Variants in REC8 observed in about 807,000 individuals in gnomAD.
REC8 encodes the protein REC8 meiotic recombination protein.
A neutral mutation model predicts 78.3 loss-of-function variants in REC8; 42 were observed. That is an observed-to-expected ratio of 0.54 (90% CI 0.42 to 0.69). The LOEUF (loss-of-function observed/expected upper bound fraction) is 0.69. REC8 is among the 30% of genes least tolerant of loss of function. The pLI, the probability that REC8 is intolerant of heterozygous loss-of-function variation, is 0.00. For synonymous variants in REC8, 268 were observed against 274.1 expected (o/e 0.98, Z 0.22); for missense variants, 581 against 715.8 (o/e 0.81, Z 2.15).
chr14:24,177,929 C>T (rs1476626908), intron 11 of REC8, 162 bp from the exon 12 acceptor site: 2 of 1,497,112 alleles, frequency 1.3e-6, no homozygotes, highest in Non-Finnish European at 1.8e-6. Flanking sequence ...CAGATGGGTA[C>T]CCTTATGCAA....
chr14:24,177,439 C>A (rs1292886237), intron 9 of REC8, 26 bp from the exon 10 acceptor site: 1 of 1,614,026 alleles, frequency 6.2e-7, no homozygotes, highest in East Asian at 2.2e-5. Flanking sequence ...AGGGTCTCCT[C>A]ATTTCTCTTG....
Position 24,173,024 on chromosome 14 carries a change from A to G in REC8, c.251A>G (p.Gln84Arg). 1 of 1,608,774 alleles carries G rather than the reference A, an allele frequency of 6.2e-7. No homozygotes were observed. The highest frequency in any genetic ancestry group is 8.5e-7 in the Non-Finnish European group (1 of 1,179,952). The change falls in exon 3 of 19, where the codon CAA becomes CGA. Residue 84 changes from glutamine to arginine, a missense_variant. Transcript: ENST00000611366. ...QIGVIRVYSQ[Q>R]CQYLVEDIQH... ...GGTGTGATCCGCGTCTATTCTCAACAATGCCAGTACCTCGTGGGTAAGGCT... is the reference window on the plus strand; with the variant it reads ...GGTGTGATCCGCGTCTATTCTCAACGATGCCAGTACCTCGTGGGTAAGGCT...
In REC8 at chr14:24,178,694, C is replaced by T. The variant is rs200998331; in HGVS notation, c.1063+22C>T. ...CTCTGTAAGAATGGTGGGGGTTGGG[C>T]ACGAAGTATCCTCAAAACCAATTCC... On this transcript the variant is annotated intron_variant, in intron 13 of 18. Transcript: ENST00000611366. 13 of 1,613,860 alleles carry T rather than the reference C, an allele frequency of 8.1e-6. No individual in the cohort carries two copies. In the East Asian group the frequency reaches 1.3e-4, roughly 17 times the overall value.
chr14:24,173,503 C>G (rs2038758779), intron 5 of REC8, 92 bp downstream of exon 5: 2 of 1,566,662 alleles, frequency 1.3e-6, no homozygotes, highest in African/African-American at 2.7e-5. Flanking sequence ...GGGAAGGAAG[C>G]TTACCACAGC....
At chr14:24,180,690 T>A, downstream of REC8, 1 of 1,614,092 alleles carries the variant, frequency 6.2e-7, no homozygotes, top group Non-Finnish European at 8.5e-7. Context: ...TACCCTCACC[T>A]GGTGGGATCT....
chr14:24,174,722 G>C (rs972140606), intron 5 of REC8, among the ~76,000 whole-genome samples: 5 of 152,030 alleles, frequency 3.3e-5, no homozygotes, highest in Non-Finnish European at 7.3e-5. Flanking sequence ...GCCCATAATG[G>C]TCACCCCTCA....
rs748770409 is a variant in REC8, at chr14:24,179,070, T to C, written c.1204-15T>C. The C allele has an allele frequency of 2.5e-6, 4 of 1,607,896 alleles. No homozygotes were observed. The highest frequency in any genetic ancestry group is 3.4e-6 in the Non-Finnish European group (4 of 1,176,826). ...CAGATGCTTGGGGTCTTAGTTCTAC[T>C]TCTCCCATCCCCAGGTCCCGAGGGA... On this transcript the variant is annotated splice_polypyrimidine_tract_variant and intron_variant, in intron 14 of 18. Coordinates refer to ENST00000611366, the MANE Select transcript of REC8 (RefSeq NM_001048205.2).
chr14:24,177,276 G>A (rs2038940488), intron 8 of REC8, 54 bp downstream of exon 8: 2 of 1,612,880 alleles, frequency 1.2e-6, no homozygotes, highest in African/African-American at 1.3e-5. Context: ...TCAGACCCCT[G>A]GCGTGGGCAT....
At chr14:24,180,598 T>G, downstream of REC8, 2 of 1,612,166 alleles carry the variant, frequency 1.2e-6, no homozygotes, top group Non-Finnish European at 8.5e-7. Flanking sequence ...GGGAGAAAGG[T>G]CGGGGCTCCT....
At chr14:24,180,846 T>G, downstream of REC8, 25 of 1,051,258 alleles carry the variant, frequency 2.4e-5, no homozygotes, top group Non-Finnish European at 3.1e-5. Context: ...GCAGAATCTC[T>G]TATCAGGGGG....
chr14:24,173,071 G>A (rs757409570), intron 3 of REC8, 30 bp downstream of exon 3: 6 of 1,611,240 alleles, frequency 3.7e-6, no homozygotes, highest in African/African-American at 1.3e-5. Context: ...AAGGTGGGGC[G>A]GGCTGAGCAG....
chr14:24,177,967 C>A (rs2038975800), intron 11 of REC8, 124 bp from the exon 12 acceptor site: 2 of 1,516,142 alleles, frequency 1.3e-6, no homozygotes, highest in South Asian at 1.3e-5. Context: ...TGCATGGAGA[C>A]CCCGCACAAG....
chr14:24,180,602 G>A, downstream of REC8: 2 of 1,612,224 alleles, frequency 1.2e-6, no homozygotes, highest in Non-Finnish European at 1.7e-6. Context: ...GAAAGGTCGG[G>A]GCTCCTAAAG....
rs1566636585 is a variant in REC8 at position 24,178,780 on chromosome 14, G to A, written c.1067G>A (p.Gly356Asp). The change falls in exon 14 of 19, where the codon GGC becomes GAC. Residue 356 changes from glycine to aspartate, a missense_variant. Transcript: ENST00000611366. ...CCTACTACCCTCTTGTCCACAGCTGGCTGGCTACCCCCTGAACTACTGGGT... is the reference window on the plus strand; with the variant it reads ...CCTACTACCCTCTTGTCCACAGCTGACTGGCTACCCCCTGAACTACTGGGT... The part of the protein sequence containing the change: ...AELFRTPTLS[G>D]WLPPELLGLW... 6.2e-7 allele frequency: 1 copy of A among 1,607,648 alleles called. No homozygotes were observed. The highest frequency in any genetic ancestry group is 8.5e-7 in the Non-Finnish European group (1 of 1,175,222).
Position 24,179,588 on chromosome 14 carries a change from C to A in REC8, c.1320-7C>A, listed in dbSNP as rs1268122569. The A allele has an allele frequency of 6.2e-7, 1 of 1,614,054 alleles. No individual in the cohort carries two copies. The highest frequency in any genetic ancestry group is 1.3e-5 in the African/African-American group (1 of 74,948). On this transcript the variant is annotated splice_region_variant and splice_polypyrimidine_tract_variant and intron_variant, in intron 16 of 18. Transcript: ENST00000611366. ...GCCACCTTCCCTACTCTCTCATGTC[C>A]TCCTAGGGCCTGGCCTGAGGTGGAG...
chr14:24,177,919 C>T, intron 11 of REC8, 161 bp downstream of exon 11: 1 of 1,491,566 alleles, frequency 6.7e-7, no homozygotes, highest in Non-Finnish European at 8.9e-7. Flanking sequence ...CTACGCTTCC[C>T]AGATGGGTAC....
At position 24,179,896 on chromosome 14, in the gene REC8, C is replaced by T; in HGVS notation, c.1548C>T (p.Tyr516=). The T allele has an allele frequency of 6.2e-7, 1 of 1,614,004 alleles. No homozygotes were observed. Among genetic ancestry groups the T allele is most frequent in the South Asian group, 1.1e-5 (1 of 91,082 alleles). Residue 516 remains tyrosine, a synonymous_variant, in exon 18 of 19, where the codon TAC becomes TAT. Coordinates refer to ENST00000611366, the MANE Select transcript of REC8 (RefSeq NM_001048205.2). ...SPRRMAARVF[Y]LLLVLSAQQI... Reference sequence around the variant, plus strand: ...GCAGGATGGCTGCCCGGGTCTTCTACCTGCTCCTGGGTGAGTGTATGCATG... The same window carrying T: ...GCAGGATGGCTGCCCGGGTCTTCTATCTGCTCCTGGGTGAGTGTATGCATG...
Position 24,178,668 on chromosome 14 carries a change from T to C in REC8, c.1059T>C (p.Thr353=). Residue 353 remains threonine, a synonymous_variant, in exon 13 of 19, where the codon ACT becomes ACC. Transcript: ENST00000611366. ...CTGCGGAGTTGTTCAGAACCCCAAC[T>C]CTCTGTAAGAATGGTGGGGGTTGGG... ...RGPAELFRTP[T]LSGWLPPELL... is the part of the protein sequence containing the mutation. 4 of 1,614,004 alleles carry C rather than the reference T, an allele frequency of 2.5e-6. No homozygotes were observed. Among genetic ancestry groups the C allele is most frequent in the Admixed American group, 1.7e-5 (1 of 60,012 alleles).
chr14:24,180,709 G>A (rs760279372), downstream of REC8: 2 of 1,614,144 alleles, frequency 1.2e-6, no homozygotes, highest in South Asian at 1.1e-5. Context: ...CTTGTTGTCA[G>A]CCAGAATGAG....
Sources: gnomAD v4.1 joint callset for allele counts (sites outside exome capture counted in the v4.1 genomes callset) on GRCh38, gnomAD v4.1.1 for gene constraint, MANE v1.5 for transcripts, NCBI Gene and HGNC (gene_info 2026-07-23, HGNC 2026-07-21) for gene names.